Variants in SLC25A30 observed in about 807,000 individuals in gnomAD.
The protein encoded by SLC25A30 is kidney mitochondrial carrier protein 1.
A neutral mutation model predicts 42.7 loss-of-function variants in SLC25A30; 29 were observed. The ratio of observed to expected loss-of-function variants is 0.68; its 90% CI spans 0.51 to 0.93. The LOEUF (loss-of-function observed/expected upper bound fraction) is 0.93, where lower values mean the gene tolerates loss of function less well. SLC25A30 is among the 40% of genes least tolerant of loss of function. The pLI is 0.00. For missense variants in SLC25A30, 300 were observed against 359.7 expected (o/e 0.83, Z 1.34); for synonymous variants, 124 against 131.0 (o/e 0.95, Z 0.37).
Position 45,395,331 on chromosome 13 carries a change from A to T in SLC25A30, c.*643T>A, listed in dbSNP as rs1365456582. 2.0e-6 allele frequency: 2 copies of T among 986,564 alleles called. No homozygotes were observed. The highest frequency in any genetic ancestry group is 2.4e-6 in the Non-Finnish European group (2 of 830,756). The allele number at this position is 986,564 out of a possible 1,614,324, so 61.1% of individuals were successfully genotyped here. ...ACATAACACCACCACGAATTTAGAGATTATTACTTTGTAACAATTTCTCAC... is the reference window on the plus strand; with the variant it reads ...ACATAACACCACCACGAATTTAGAGTTTATTACTTTGTAACAATTTCTCAC... On this transcript the variant is annotated 3_prime_UTR_variant, in exon 10 of 10. Coordinates refer to ENST00000519676, the MANE Select transcript of SLC25A30 (RefSeq NM_001010875.4).
chr13:45,393,657 A>G lies in SLC25A30; in HGVS notation c.*2317T>C. The G allele has an allele frequency of 2.0e-6, 2 of 985,458 alleles. No homozygotes were observed. The highest frequency in any genetic ancestry group is 2.4e-6 in the Non-Finnish European group (2 of 829,938). 61.0% of individuals were successfully genotyped at this position (985,458 alleles called of 1,614,324 possible). ...TAGCCAGAACCCTGACAACGAGGGG[A>G]CCAAGTCTCCCAATTCCTTAAGTTG... On this transcript the variant is annotated 3_prime_UTR_variant, in exon 10 of 10. Transcript: ENST00000519676.
the SLC25A30 span, among the ~76,000 whole-genome samples, chr13:45,423,673 C>CT: frequency 1.2e-4 from 1 of 8,488 alleles, no homozygotes; most frequent in Admixed American, 2.9e-3. Flanking sequence ...ATATAAAATA[C>CT]ATATTTATAT....
rs377666653 is a variant in SLC25A30 at position 45,405,986 on chromosome 13, C to T, written c.213-9G>A. ...ACATCGCGGGGGCAATCCTGTTAAA[C>T]CAATGTACAAAGGGACAAAAGCAAT... is the stretch of plus-strand genomic sequence containing the variant. On this transcript the variant is annotated splice_polypyrimidine_tract_variant and intron_variant, in intron 3 of 9. Coordinates refer to ENST00000519676, the MANE Select transcript of SLC25A30 (RefSeq NM_001010875.4). The T allele has an allele frequency of 2.0e-5, 33 of 1,613,872 alleles. No homozygotes were observed. Among genetic ancestry groups the T allele is most frequent in the Non-Finnish European group, 2.8e-5 (33 of 1,179,788 alleles).
intron 1 of SLC25A30, among the ~76,000 whole-genome samples, chr13:45,412,847 C>G (rs565535482): frequency 9.2e-5 from 14 of 152,228 alleles, no homozygotes; most frequent in Admixed American, 2.6e-4. Context: ...TGGCCTCACA[C>G]CCCTTAACAG....
the SLC25A30 span, among the ~76,000 whole-genome samples, chr13:45,431,202 C>T: frequency 1.3e-5 from 2 of 150,432 alleles, no homozygotes; most frequent in African/African-American, 4.9e-5. Flanking sequence ...CATGTACCAC[C>T]ACACCCGGCT....
At chr13:45,414,432 C>A (rs1477145543) in intron 1 of SLC25A30, among the ~76,000 whole-genome samples, 3 of 152,094 alleles carry the variant, frequency 2.0e-5, no homozygotes, top group African/African-American at 4.8e-5. Flanking sequence ...ACCTGGCCAA[C>A]ATGGCAAAAC....
chr13:45,413,361 A>C (rs907161458), intron 1 of SLC25A30, among the ~76,000 whole-genome samples: 1 of 152,200 alleles, frequency 6.6e-6, no homozygotes, highest in African/African-American at 2.4e-5. Context: ...GACTGTAAGA[A>C]CCTATTAATA....
the SLC25A30 span, among the ~76,000 whole-genome samples, chr13:45,424,989 T>C: frequency 1.4e-5 from 1 of 69,660 alleles, no homozygotes; most frequent in South Asian, 4.8e-4. Flanking sequence ...TATAAAAATA[T>C]ATATAAATAT....
At chr13:45,411,024 C>T (rs1882967690) in intron 2 of SLC25A30, among the ~76,000 whole-genome samples, 2 of 152,076 alleles carry the variant, frequency 1.3e-5, no homozygotes. Context: ...ACTGCAGCCT[C>T]GACCTCCTGG....
At chr13:45,425,267 CG>C in the SLC25A30 span, among the ~76,000 whole-genome samples, 4 of 95,496 alleles carry the variant, frequency 4.2e-5, no homozygotes, top group South Asian at 2.9e-4. Flanking sequence ...CGTATATATA[CG>C]TATACATATA....
chr13:45,399,891 G>A (rs938203331), intron 7 of SLC25A30, among the ~76,000 whole-genome samples: 7 of 151,672 alleles, frequency 4.6e-5, no homozygotes, highest in African/African-American at 1.7e-4. Context: ...CCAGAGCAAA[G>A]TTTCTCAACC....
rs1249622994 is a variant in SLC25A30, at chr13:45,393,998, AAAG to A, written c.*1973_*1975del. On this transcript the variant is annotated 3_prime_UTR_variant, in exon 10 of 10. Coordinates refer to ENST00000519676, the MANE Select transcript of SLC25A30 (RefSeq NM_001010875.4). ...AAAGTAAAATTTTTCTACATTAAAAAAAGAGCATTTCAAGAAAAGCAATCTTTA... is the reference window on the plus strand; with the variant it reads ...AAAGTAAAATTTTTCTACATTAAAAAAGCATTTCAAGAAAAGCAATCTTTA... 5 of 984,864 alleles carry A rather than the reference AAAG, an allele frequency of 5.1e-6. No homozygotes were observed. In the African/African-American group the frequency reaches 5.2e-5, roughly 10 times the overall value. The allele number at this position is 984,864 out of a possible 1,614,324, so 61.0% of individuals were successfully genotyped here. A position where few individuals can be genotyped will look rare whatever the true frequency, so the allele number is the denominator to read the frequency against.
At chr13:45,411,259 G>A (rs1179011358) in intron 2 of SLC25A30, 103 bp downstream of exon 2, 64 of 956,152 alleles carry the variant, frequency 6.7e-5, no homozygotes, top group Middle Eastern at 2.1e-4. Flanking sequence ...TTTGAATTCT[G>A]AGACAAACAT....
At chr13:45,397,699 A>AAAT (rs567510417) in intron 8 of SLC25A30, 415 of 183,010 alleles carry the variant, frequency 2.3e-3, no homozygotes, top group South Asian at 3.4e-3. Context: ...CCATCTCAAA[A>AAAT]AATAATAATA....
rs756419410 is a variant in SLC25A30, at chr13:45,399,005, T to G, written c.688A>C (p.Asn230His). 2 of 1,614,102 alleles carry G rather than the reference T, an allele frequency of 1.2e-6. No individual in the cohort carries two copies. Among genetic ancestry groups the G allele is most frequent in the African/African-American group, 1.3e-5 (1 of 75,002 alleles). ...PVDVVRTRMM[N>H]QRVLRDGRCS... ...CTGCCATCTCGAAGCACTCTCTGAT[T>G]CATCATACGTGTCCTCACAACATCA... Residue 230 changes from asparagine (N) to histidine (H), a missense_variant, in exon 8 of 10, where the codon AAT becomes CAT. By Grantham distance (68) the Asn-to-His change is moderately conservative. Coordinates refer to ENST00000519676, the MANE Select transcript of SLC25A30 (RefSeq NM_001010875.4).
At chr13:45,398,224 C>T in intron 8 of SLC25A30, 1 of 169,214 alleles carries the variant, frequency 5.9e-6, no homozygotes, top group Non-Finnish European at 1.2e-5. Flanking sequence ...TCAAAAACCA[C>T]ATGTTCTCAT....
At chr13:45,409,494 T>C (rs1194993723) in intron 2 of SLC25A30, among the ~76,000 whole-genome samples, 1 of 130,368 alleles carries the variant, frequency 7.7e-6, no homozygotes, top group Admixed American at 7.7e-5. Flanking sequence ...GGTTTTCCAC[T>C]TGGGAGAGTG....
intron 1 of SLC25A30, among the ~76,000 whole-genome samples, chr13:45,415,190 A>G (rs1566214965): frequency 6.6e-6 from 1 of 152,172 alleles, no homozygotes; most frequent in Non-Finnish European, 1.5e-5. Flanking sequence ...TCACAGTCCT[A>G]TGAAAGAGGT....
upstream of SLC25A30, among the ~76,000 whole-genome samples, chr13:45,421,735 G>A (rs2137717120): frequency 6.6e-6 from 1 of 152,292 alleles, no homozygotes; most frequent in East Asian, 1.9e-4. Flanking sequence ...TGTAAGTGCT[G>A]TAGAAATATC....
Sources: gnomAD v4.1 joint callset for allele counts (sites outside exome capture counted in the v4.1 genomes callset) on GRCh38, gnomAD v4.1.1 for gene constraint, MANE v1.5 for transcripts, NCBI Gene and HGNC (gene_info 2026-07-23, HGNC 2026-07-21) for gene names.